The following RGL3 variants were observed in gnomAD, a reference collection of about 807,000 sequenced individuals.
RGL3 encodes ral guanine nucleotide dissociation stimulator like 3, also known as ral guanine nucleotide dissociation stimulator-like 3.
A neutral mutation model predicts 90.6 loss-of-function variants in RGL3; 85 were observed. That is an observed-to-expected ratio of 0.94 (90% confidence interval 0.79 to 1.12). The LOEUF is 1.12. Among genes scored for constraint, RGL3 ranks in the 50% most tolerant of loss-of-function variants. The pLI, the probability that RGL3 is intolerant of heterozygous loss-of-function variation, is 0.00. For missense variants in RGL3, 1,034 were observed against 939.2 expected (o/e 1.10, Z -1.32); for synonymous variants, 408 against 385.5 (o/e 1.06, Z -0.68).
chr19:11,402,862 CT>C (rs1467919643), intron 9 of RGL3, among the ~76,000 whole-genome samples, 156 bp from the exon 10 acceptor site: 13 of 152,054 alleles, frequency 8.5e-5, no homozygotes, highest in Non-Finnish European at 1.9e-4. Context: ...AATCCCAGCA[CT>C]TTGGGAGGCC....
In RGL3 at chr19:11,402,138, G is replaced by A. The variant is rs772977829; in HGVS notation, c.1363-6C>T. 2 of 1,610,308 alleles carry A rather than the reference G, an allele frequency of 1.2e-6. No homozygotes were observed. The highest frequency in any genetic ancestry group is 1.3e-5 in the African/African-American group (1 of 74,826). On this transcript the variant is annotated splice_region_variant and splice_polypyrimidine_tract_variant and intron_variant, in intron 12 of 18. Coordinates refer to ENST00000380456, the MANE Select transcript of RGL3 (RefSeq NM_001035223.4). Reference sequence around the variant, plus strand: ...CGGGCCAGGATCTCCCACTCCTGGAGGACGAGCCTCTAAGACCCTACCCCT... The same window carrying A: ...CGGGCCAGGATCTCCCACTCCTGGAAGACGAGCCTCTAAGACCCTACCCCT...
At chr19:11,405,851 A>G (rs1292694358) in intron 7 of RGL3, among the ~76,000 whole-genome samples, 3 of 149,186 alleles carry the variant, frequency 2.0e-5, no homozygotes, top group Non-Finnish European at 4.4e-5. Context: ...GCACACCACC[A>G]CACCCGGCTA....
At chr19:11,403,251 G>T (rs1024441735) in intron 9 of RGL3, among the ~76,000 whole-genome samples, 8 of 150,732 alleles carry the variant, frequency 5.3e-5, no homozygotes, top group African/African-American at 1.5e-4. Flanking sequence ...TAGCCAGGAT[G>T]GTCTCGATCT....
In RGL3 at chr19:11,402,088, A is replaced by T. The variant is rs927569592; in HGVS notation, c.1407T>A (p.Cys469Ter). The T allele has an allele frequency of 1.3e-6, 2 of 1,594,856 alleles. No homozygotes were observed. Among genetic ancestry groups the T allele is most frequent in the East Asian group, 4.5e-5 (2 of 44,800 alleles). Residue 469 changes from cysteine (C) to a stop codon, truncating the protein, a stop_gained, in exon 13 of 19, where the codon TGT (cysteine) becomes TGA (stop). Transcript: ENST00000380456. LOFTEE classifies it high-confidence loss of function. ...GGTGGGGGCTCAGGGTGTAGCTCTG[A>T]CAGCGCCTCTGCAGCTGCTGGATGC... ...LARIQQLQRR[C>*]QSYTLSPHPP...
chr19:11,406,284 TCTCACCCTAGG>T lies in RGL3; in HGVS notation c.996+124_996+134del, dbSNP rs1968776386. The T allele has an allele frequency of 1.1e-5, 10 of 875,840 alleles. No homozygotes were observed. The East Asian group carries it at 2.7e-4, about 23-fold the overall frequency. The allele number at this position is 875,840 out of a possible 1,614,324, so 54.3% of individuals were successfully genotyped here. ...CCAGACCCTCCTCCCTGAACCCAAGTCTCACCCTAGGTATCAACTTTCCACCCCGTTCCCTC... is the reference window on the plus strand; with the variant it reads ...CCAGACCCTCCTCCCTGAACCCAAGTTATCAACTTTCCACCCCGTTCCCTC... On this transcript the variant is annotated intron_variant, in intron 7 of 18. Transcript: ENST00000380456.
intron 3 of RGL3, 65 bp from the exon 4 acceptor site, chr19:11,416,732 T>C (rs1969005954): frequency 6.3e-7 from 1 of 1,597,096 alleles, no homozygotes; most frequent in African/African-American, 1.3e-5. Flanking sequence ...AAGAGGGCTC[T>C]GGGTCTGGGA....
rs1273732782 is a variant in RGL3 at position 11,416,877 on chromosome 19, C to T, written c.330G>A (p.Leu110=). 3.7e-6 allele frequency: 6 copies of T among 1,614,000 alleles called. No homozygotes were observed. The South Asian group carries it at 6.6e-5, about 18-fold the overall frequency. The change falls in exon 3 of 19, where the codon CTG becomes CTA. Residue 110 remains leucine, a synonymous_variant. Transcript: ENST00000380456. ...YRTFVPTACL[L]GFLLPPMPPP... ...GTGGCATTGGTGGCAGCAGAAAGCC[C>T]AGCAGGCAGGCAGTGGGTACAAAGG...
At chr19:11,416,750 C>T (rs752577409) in intron 3 of RGL3, 83 bp from the exon 4 acceptor site, 6 of 1,592,424 alleles carry the variant, frequency 3.8e-6, no homozygotes, top group African/African-American at 1.3e-5. Flanking sequence ...GGAGGTGTTT[C>T]CAGGTTCCAC....
At chr19:11,401,563 T>A (rs980416424) in intron 13 of RGL3, among the ~76,000 whole-genome samples, 27 of 148,028 alleles carry the variant, frequency 1.8e-4, no homozygotes, top group Non-Finnish European at 3.6e-4. Flanking sequence ...ACCTGGCTAA[T>A]TTTTTTTTTG....
intron 10 of RGL3, 46 bp downstream of exon 10, chr19:11,402,604 T>A: frequency 1.2e-6 from 2 of 1,612,430 alleles, no homozygotes; most frequent in Non-Finnish European, 8.5e-7. Flanking sequence ...TCCACAACCC[T>A]CCCTGAAGGT....
intron 5 of RGL3, among the ~76,000 whole-genome samples, chr19:11,410,535 A>C: frequency 6.6e-6 from 1 of 151,928 alleles, no homozygotes; most frequent in East Asian, 1.9e-4. Flanking sequence ...AAATTTTTAA[A>C]GTTGCGCATC....
intron 5 of RGL3, chr19:11,411,121 A>G (rs899433371): frequency 2.0e-5 from 3 of 147,718 alleles, no homozygotes; most frequent in African/African-American, 7.6e-5. Flanking sequence ...AGCCAGGAGA[A>G]TCGCTTGAAC....
chr19:11,405,445 G>GCAGGT lies in RGL3; in HGVS notation c.997-24_997-20dup, dbSNP rs1473995845. ...GGCAGCGCTGCCAGGCGGTGGGGAC[G>GCAGGT]CAGGTCAGACCCAGGCATTATCCAC... On this transcript the variant is annotated intron_variant, in intron 7 of 18. Transcript: ENST00000380456. 7.9e-6 allele frequency: 12 copies of GCAGGT among 1,528,282 alleles called. No homozygotes were observed. The highest frequency in any genetic ancestry group is 1.1e-5 in the Non-Finnish European group (12 of 1,129,004). The allele number at this position is 1,528,282 out of a possible 1,614,324, so 94.7% of individuals were successfully genotyped here. A position where few individuals can be genotyped will look rare whatever the true frequency, so the allele number is the denominator to read the frequency against.
intron 5 of RGL3, among the ~76,000 whole-genome samples, chr19:11,409,202 C>G (rs1253178164): frequency 6.6e-6 from 1 of 151,078 alleles, no homozygotes; most frequent in South Asian, 2.1e-4. Context: ...AAAAGAAGGC[C>G]GGGGGCAGTG....
At chr19:11,414,263 TTA>T (rs1202899833) in intron 5 of RGL3, among the ~76,000 whole-genome samples, 5 of 90,002 alleles carry the variant, frequency 5.6e-5, no homozygotes, top group Admixed American at 1.4e-4. Context: ...ATATATACCT[TTA>T]TATATATATA....
At chr19:11,399,806 G>A in intron 16 of RGL3, 49 bp downstream of exon 16, 1 of 1,059,184 alleles carries the variant, frequency 9.4e-7, no homozygotes, top group African/African-American at 1.6e-5. Flanking sequence ...CACACACACA[G>A]AGCCTGGGTG....
At chr19:11,408,541 G>A (rs574913975) in intron 5 of RGL3, among the ~76,000 whole-genome samples, 6 of 150,966 alleles carry the variant, frequency 4.0e-5, no homozygotes, top group South Asian at 2.1e-4. Flanking sequence ...AGCCGACATC[G>A]TGTCACTGCA....
At chr19:11,395,520 C>T (rs556369440) in intron 18 of RGL3, among the ~76,000 whole-genome samples, 11 of 152,296 alleles carry the variant, frequency 7.2e-5, no homozygotes, top group African/African-American at 2.6e-4. Context: ...GCCCAGATGC[C>T]CTTTAGTCTC....
intron 13 of RGL3, among the ~76,000 whole-genome samples, chr19:11,401,105 T>C (rs1199244871): frequency 6.6e-6 from 1 of 151,892 alleles, no homozygotes; most frequent in East Asian, 1.9e-4. Context: ...ATGGGTCAGA[T>C]AGGACCAAAG....
Sources: gnomAD v4.1 joint callset for allele counts (sites outside exome capture counted in the v4.1 genomes callset) on GRCh38, gnomAD v4.1.1 for gene constraint, MANE v1.5 for transcripts, NCBI Gene and HGNC (gene_info 2026-07-23, HGNC 2026-07-21) for gene names.